ERC1: variants seen among roughly 807,000 people sequenced by gnomAD.
The protein encoded by ERC1 is RAB6 interacting protein 2.
Under a neutral mutation model 132.0 loss-of-function variants are expected in ERC1, and 56 were observed. The ratio of observed to expected loss-of-function variants is 0.42; its 90% CI spans 0.34 to 0.53. The LOEUF (loss-of-function observed/expected upper bound fraction) is 0.53, where lower values mean the gene tolerates loss of function less well. ERC1 is among the 20% of genes least tolerant of loss of function. The probability of loss-of-function intolerance (pLI) is 0.03; values close to 1 mark genes in which losing one functional copy is unlikely to be tolerated. For missense variants in ERC1, 1,202 were observed against 1,349.9 expected, an observed-to-expected ratio of 0.89 and a Z score of 1.72; for synonymous variants, 478 against 476.1, an observed-to-expected ratio of 1.00 and a Z score of -0.05.
At chr12:1,310,805 A>AACAT (rs1488050253) in intron 15 of ERC1, among the ~76,000 whole-genome samples, 1 of 152,268 alleles carries the variant, frequency 6.6e-6, no homozygotes, top group Non-Finnish European at 1.5e-5. Context: ...CTGATTAGAG[A>AACAT]ACATGACTTT....
intron 3 of ERC1, among the ~76,000 whole-genome samples, chr12:1,097,593 G>T (rs1180986747): frequency 1.3e-5 from 2 of 152,098 alleles, no homozygotes; most frequent in South Asian, 2.1e-4. Context: ...TTATTTTGTG[G>T]CAGCTTGCCC....
chr12:1,393,026 G>A (rs2090112069), intron 16 of ERC1, among the ~76,000 whole-genome samples: 1 of 152,056 alleles, frequency 6.6e-6, no homozygotes, highest in African/African-American at 2.4e-5. Context: ...GGAGAGTTTG[G>A]CCTTATATCA....
chr12:1,303,070 C>T (rs764721790), intron 15 of ERC1, among the ~76,000 whole-genome samples: 1 of 152,162 alleles, frequency 6.6e-6, no homozygotes, highest in African/African-American at 2.4e-5. Context: ...AAAAAAAATT[C>T]TCCTGATCAT....
At chr12:1,183,452 T>C in intron 11 of ERC1, 31 bp downstream of exon 11, 1 of 1,522,204 alleles carries the variant, frequency 6.6e-7, no homozygotes, top group South Asian at 1.2e-5. Context: ...TTTTTTTGCT[T>C]TGCCTTAAAT....
At chr12:1,455,539 A>G (rs2093513932) in intron 18 of ERC1, among the ~76,000 whole-genome samples, 1 of 152,168 alleles carries the variant, frequency 6.6e-6, no homozygotes, top group African/African-American at 2.4e-5. Context: ...CATGTATAAG[A>G]TGTGCTGGTT....
chr12:1,370,147 C>T (rs190442452), intron 15 of ERC1, among the ~76,000 whole-genome samples: 2 of 152,314 alleles, frequency 1.3e-5, no homozygotes, highest in East Asian at 1.9e-4. Context: ...TCAAATATGT[C>T]TTCTTTCATA....
In ERC1 at chr12:1,121,779, A is replaced by C. The variant is rs1208607148; in HGVS notation, c.1569+5746A>C. Among the ~76,000 whole-genome samples, 10 of 5,110 alleles carry C rather than the reference A, an allele frequency of 2.0e-3. 1 individual carries two copies. Among genetic ancestry groups the C allele is most frequent in the African/African-American group, 3.1e-3 (9 of 2,862 alleles). 3.4% of individuals were successfully genotyped at this position (5,110 alleles called of 152,430 possible). On this transcript the variant is annotated intron_variant, in intron 7 of 18. Coordinates refer to ENST00000360905, the MANE Select transcript of ERC1 (RefSeq NM_178040.4). ...TCTATCTCTATCTATCTCTATCTCT[A>C]TCTATCTCTATCTCTATCTCTATCT...
intron 8 of ERC1, among the ~76,000 whole-genome samples, chr12:1,176,393 G>A (rs1014002641): frequency 1.3e-5 from 2 of 152,136 alleles, no homozygotes; most frequent in Non-Finnish European, 2.9e-5. Flanking sequence ...GATGGGCTGT[G>A]ATAGAGGCTT....
chr12:1,248,104 A>G (rs2076265654), intron 13 of ERC1, among the ~76,000 whole-genome samples: 1 of 152,228 alleles, frequency 6.6e-6, no homozygotes, highest in East Asian at 1.9e-4. Context: ...CAGTAGAGTT[A>G]TACCTAGACC....
Position 1,183,277 on chromosome 12 carries a change from T to C in ERC1, c.2017-4T>C. ...TTATTCTAGATGTGTGTTCCTTCTT[T>C]TAGGCTTCACTTTTGGATCTGAAAG... On this transcript the variant is annotated splice_polypyrimidine_tract_variant and splice_region_variant and intron_variant, in intron 10 of 18. Transcript: ENST00000360905. 6.5e-7 allele frequency: 1 copy of C among 1,539,312 alleles called. No homozygotes were observed. Among genetic ancestry groups the C allele is most frequent in the Non-Finnish European group, 8.8e-7 (1 of 1,137,064 alleles).
intron 17 of ERC1, among the ~76,000 whole-genome samples, chr12:1,420,365 T>C (rs1324087858): frequency 6.6e-6 from 1 of 152,202 alleles, no homozygotes; most frequent in African/African-American, 2.4e-5. Flanking sequence ...CTGACTTAAA[T>C]AATTTCCCAA....
At chr12:1,486,488 G>A (rs189813434) in intron 18 of ERC1, among the ~76,000 whole-genome samples, 95 of 152,052 alleles carry the variant, frequency 6.2e-4, no homozygotes, top group African/African-American at 2.0e-3. Context: ...ACAGTGGCAC[G>A]ATCTCGGCTC....
intron 12 of ERC1, among the ~76,000 whole-genome samples, chr12:1,205,411 G>A (rs1005378116): frequency 1.4e-5 from 2 of 141,656 alleles, no homozygotes; most frequent in Non-Finnish European, 3.2e-5. Flanking sequence ...GTGTGTGTGT[G>A]TGTATATATA....
intron 8 of ERC1, among the ~76,000 whole-genome samples, chr12:1,160,188 C>T (rs1458902809): frequency 6.6e-6 from 1 of 152,150 alleles, no homozygotes; most frequent in Non-Finnish European, 1.5e-5. Context: ...TTCATGCCTT[C>T]TACCCATTTA....
chr12:1,023,306 G>T (rs1966642528), intron 1 of ERC1, among the ~76,000 whole-genome samples: 1 of 152,204 alleles, frequency 6.6e-6, no homozygotes, highest in African/African-American at 2.4e-5. Context: ...TAATATGTGT[G>T]TATATGGAGT....
intron 18 of ERC1, among the ~76,000 whole-genome samples, chr12:1,482,491 G>C (rs542315248): frequency 6.6e-6 from 1 of 152,194 alleles, no homozygotes; most frequent in East Asian, 1.9e-4. Flanking sequence ...TTGTCTCCCA[G>C]GCTGGAGTGC....
intron 15 of ERC1, among the ~76,000 whole-genome samples, chr12:1,343,122 A>G (rs555513777): frequency 6.6e-6 from 1 of 152,184 alleles, no homozygotes; most frequent in Non-Finnish European, 1.5e-5. Flanking sequence ...GACAGGAGTT[A>G]GAGCACCTGG....
At chr12:1,395,386 G>T (rs956099438) in intron 16 of ERC1, among the ~76,000 whole-genome samples, 1 of 148,508 alleles carries the variant, frequency 6.7e-6, no homozygotes, top group Non-Finnish European at 1.5e-5. Context: ...CAAAAATTAG[G>T]AGTGGAATAG....
At chr12:1,447,907 C>G (rs1177178427) in intron 18 of ERC1, among the ~76,000 whole-genome samples, 2 of 152,146 alleles carry the variant, frequency 1.3e-5, no homozygotes, top group Non-Finnish European at 2.9e-5. Context: ...GCCTTGGCCT[C>G]CCAAAGTGCT....
Sources: allele counts gnomAD v4.1 joint callset (sites outside exome capture counted in the v4.1 genomes callset), GRCh38; gene constraint gnomAD v4.1.1; transcripts MANE v1.5; gene names NCBI Gene and HGNC (gene_info 2026-07-23, HGNC 2026-07-21).